The following FGF13 variants were observed in gnomAD, a reference collection of about 807,000 sequenced individuals.
The protein encoded by FGF13 is fibroblast growth factor homologous factor 2.
In FGF13, 2 loss-of-function variants were observed where a neutral mutation model predicts 19.5. The observed-to-expected ratio is 0.10, with a 90% CI of 0.04 to 0.32. The LOEUF (loss-of-function observed/expected upper bound fraction) is 0.32. FGF13 is among the 10% of genes least tolerant of loss of function. FGF13 has a pLI of 1.00. For synonymous variants in FGF13, 72 were observed against 76.9 expected (o/e 0.94, Z 0.33); for missense variants, 113 against 192.7 (o/e 0.59, Z 2.45).
At chrX:139,039,236 A>T (rs1358109046) in intron 1 of FGF13, among the ~76,000 whole-genome samples, 1 of 112,218 alleles carries the variant, frequency 8.9e-6, no homozygotes, top group African/African-American at 3.2e-5. Context: ...AAAATGAGGA[A>T]ACTAAGCCTC....
intron 1 of FGF13, among the ~76,000 whole-genome samples, chrX:139,034,655 A>AT (rs2092244676): frequency 9.0e-6 from 1 of 111,281 alleles, no homozygotes; most frequent in South Asian, 3.8e-4. Context: ...GCAAATGCGG[A>AT]TTCCAAGCAT....
intron 1 of FGF13, among the ~76,000 whole-genome samples, chrX:139,117,966 C>T (rs2083650997): frequency 1.8e-5 from 2 of 111,855 alleles, no homozygotes; most frequent in Non-Finnish European, 3.8e-5. Context: ...AAGAACAAGG[C>T]ACAGTCCAGG....
chrX:139,087,689 C>T (rs891807763), intron 1 of FGF13, among the ~76,000 whole-genome samples: 6 of 111,504 alleles, frequency 5.4e-5, no homozygotes, highest in African/African-American at 2.0e-4. Flanking sequence ...CTCGGCCCTA[C>T]CACTTTATTC....
chrX:138,751,794 C>T (rs1356894024), intron 3 of FGF13, among the ~76,000 whole-genome samples: 1 of 111,858 alleles, frequency 8.9e-6, no homozygotes, highest in Non-Finnish European at 1.9e-5. Context: ...TAAATCATTT[C>T]ATCTAAGAAG....
At chrX:138,779,648 G>A (rs1438407927) in intron 3 of FGF13, among the ~76,000 whole-genome samples, 4 of 111,226 alleles carry the variant, frequency 3.6e-5, no homozygotes, top group African/African-American at 1.3e-4. Context: ...AAGCCTCCAA[G>A]AAATATGGGA....
chrX:138,646,875 C>T (rs747678012), intron 3 of FGF13, among the ~76,000 whole-genome samples: 1 of 111,402 alleles, frequency 9.0e-6, no homozygotes, highest in South Asian at 3.7e-4. Context: ...AAATACAAAG[C>T]GGAGAAAGAC....
At chrX:139,146,500 G>C (rs772405618) in intron 1 of FGF13, among the ~76,000 whole-genome samples, 1 of 112,099 alleles carries the variant, frequency 8.9e-6, no homozygotes, top group East Asian at 2.8e-4. Context: ...GGAGAAATAG[G>C]AACACTTTTA....
chrX:138,670,796 A>T (rs998325155), intron 3 of FGF13, among the ~76,000 whole-genome samples: 1 of 111,974 alleles, frequency 8.9e-6, no homozygotes, highest in African/African-American at 3.2e-5. Context: ...CATGTAAACA[A>T]CTGAAACACT....
At chrX:138,987,057 TG>T (rs753168537) in intron 1 of FGF13, among the ~76,000 whole-genome samples, 1 of 112,009 alleles carries the variant, frequency 8.9e-6, no homozygotes, top group African/African-American at 3.2e-5. Flanking sequence ...TCTGAAGGCA[TG>T]TATGGAGTTA....
intron 3 of FGF13, among the ~76,000 whole-genome samples, chrX:138,696,577 A>G (rs1432840494): frequency 1.8e-5 from 2 of 111,997 alleles, no homozygotes; most frequent in African/African-American, 6.5e-5. Flanking sequence ...GAAAAGGTCC[A>G]AGAGTATGGC....
intron 3 of FGF13, among the ~76,000 whole-genome samples, chrX:138,842,529 A>G (rs1169347596): frequency 9.0e-6 from 1 of 111,322 alleles, no homozygotes; most frequent in Non-Finnish European, 1.9e-5. Context: ...AAGGATGGAG[A>G]ACCTTGGTTA....
At chrX:139,127,505 T>C (rs2083725762) in intron 1 of FGF13, among the ~76,000 whole-genome samples, 1 of 111,269 alleles carries the variant, frequency 9.0e-6, no homozygotes. Context: ...GAAGAGGACA[T>C]TGTAGTGTAG....
chrX:139,184,542 C>T (rs1448436920), intron 1 of FGF13, among the ~76,000 whole-genome samples: 2 of 111,254 alleles, frequency 1.8e-5, no homozygotes, highest in African/African-American at 3.3e-5. Flanking sequence ...CATACATACA[C>T]ATTCCCAGAT....
intron 3 of FGF13, among the ~76,000 whole-genome samples, chrX:138,830,664 A>G (rs752796671): frequency 2.2e-4 from 22 of 99,358 alleles, no homozygotes; most frequent in African/African-American, 7.2e-4. Context: ...CAACCTGGCC[A>G]TGTAAAGAGT....
intron 3 of FGF13, among the ~76,000 whole-genome samples, chrX:138,698,150 G>GA (rs1276064906): frequency 1.9e-5 from 2 of 106,497 alleles, no homozygotes; most frequent in Non-Finnish European, 1.9e-5. Flanking sequence ...ATGGCAACAA[G>GA]AAAAAAAAAG....
At chrX:138,890,330 G>A (rs921036805) in intron 1 of FGF13, among the ~76,000 whole-genome samples, 2 of 111,820 alleles carry the variant, frequency 1.8e-5, no homozygotes, top group Non-Finnish European at 3.8e-5. Flanking sequence ...TATGTGGCAA[G>A]TACAGTGCCG....
At chrX:139,162,077 G>A (rs767359137) in intron 1 of FGF13, among the ~76,000 whole-genome samples, 1 of 112,095 alleles carries the variant, frequency 8.9e-6, no homozygotes, top group African/African-American at 3.2e-5. Context: ...CACAAAAAGA[G>A]CCTGTATAGG....
intron 1 of FGF13, among the ~76,000 whole-genome samples, chrX:139,184,357 C>T (rs893668175): frequency 1.8e-5 from 2 of 111,891 alleles, no homozygotes; most frequent in Admixed American, 1.9e-4. Flanking sequence ...GTGGGTAATA[C>T]ATTTTTATAC....
chrX:139,117,190 A>C (rs1467147488), intron 1 of FGF13, among the ~76,000 whole-genome samples: 1 of 111,463 alleles, frequency 9.0e-6, no homozygotes. Context: ...CATATGGGCA[A>C]TATCTGGAGG....
Sources: gnomAD v4.1 joint callset for allele counts (sites outside exome capture counted in the v4.1 genomes callset) on GRCh38, gnomAD v4.1.1 for gene constraint, MANE v1.5 for transcripts, NCBI Gene and HGNC (gene_info 2026-07-23, HGNC 2026-07-21) for gene names.